TMEM248: variants seen among roughly 807,000 people sequenced by gnomAD.
TMEM248 encodes the protein UPF0458 protein C7orf42.
In TMEM248, 9 loss-of-function variants were observed where a neutral mutation model predicts 30.3. That is an observed-to-expected ratio of 0.30 (90% CI 0.18 to 0.52). The LOEUF (loss-of-function observed/expected upper bound fraction) is 0.52. Ranked by LOEUF, TMEM248 falls within the 20% of genes least tolerant of loss-of-function variation. The probability of loss-of-function intolerance (pLI) is 0.97; values close to 1 mark genes in which losing one functional copy is unlikely to be tolerated. For synonymous variants in TMEM248, 184 were observed against 154.4 expected (o/e 1.19, Z -1.42); for missense variants, 338 against 403.3 (o/e 0.84, Z 1.39).
chr7:66,945,377 C>T, intron 3 of TMEM248, 116 bp downstream of exon 3: 1 of 1,177,100 alleles, frequency 8.5e-7, no homozygotes, highest in South Asian at 1.5e-5. Context: ...TTGCGCGTGT[C>T]TTTTTTTTGT....
intron 1 of TMEM248, among the ~76,000 whole-genome samples, chr7:66,937,836 G>T (rs933065350): frequency 6.6e-6 from 1 of 151,934 alleles, no homozygotes; most frequent in Non-Finnish European, 1.5e-5. Context: ...TCAGTCTCCC[G>T]AGTAGCTGGG....
chr7:66,943,257 T>C (rs1792010332), intron 2 of TMEM248, among the ~76,000 whole-genome samples: 1 of 152,200 alleles, frequency 6.6e-6, no homozygotes, highest in African/African-American at 2.4e-5. Context: ...CTCCTGCCAT[T>C]TCTTTCCCGC....
intron 1 of TMEM248, among the ~76,000 whole-genome samples, chr7:66,933,604 G>T (rs537376240): frequency 6.6e-6 from 1 of 152,124 alleles, no homozygotes; most frequent in East Asian, 1.9e-4. Context: ...CTGTTTCCAC[G>T]CCCCTTTTTA....
chr7:66,944,294 G>A (rs549710087), intron 2 of TMEM248, among the ~76,000 whole-genome samples: 54 of 148,914 alleles, frequency 3.6e-4, no homozygotes, highest in South Asian at 6.4e-4. Context: ...TAGTAGAGAC[G>A]TGGTTTCACC....
At chr7:66,955,338 A>G (rs1248451593) in intron 6 of TMEM248, among the ~76,000 whole-genome samples, 164 bp from the exon 7 acceptor site, 2 of 152,184 alleles carry the variant, frequency 1.3e-5, no homozygotes, top group African/African-American at 4.8e-5. Context: ...AGACTTTGAG[A>G]TTTCTAGTAA....
At chr7:66,924,497 C>T (rs1487990999) in intron 1 of TMEM248, among the ~76,000 whole-genome samples, 1 of 152,104 alleles carries the variant, frequency 6.6e-6, no homozygotes, top group Non-Finnish European at 1.5e-5. Context: ...CTCCGCCTTC[C>T]GGGTTCAAGC....
At chr7:66,925,990 A>C (rs1351295219) in intron 1 of TMEM248, among the ~76,000 whole-genome samples, 1 of 152,038 alleles carries the variant, frequency 6.6e-6, no homozygotes, top group African/African-American at 2.4e-5. Flanking sequence ...TCTTGGCTGT[A>C]CTAATTTACA....
chr7:66,940,352 G>A (rs530850636), intron 1 of TMEM248, among the ~76,000 whole-genome samples: 1 of 152,254 alleles, frequency 6.6e-6, no homozygotes, highest in African/African-American at 2.4e-5. Flanking sequence ...AAAAATGGCA[G>A]GAAGCATTAA....
chr7:66,941,047 C>T (rs1049263237), intron 1 of TMEM248, among the ~76,000 whole-genome samples: 8 of 152,114 alleles, frequency 5.3e-5, no homozygotes, highest in African/African-American at 1.9e-4. Flanking sequence ...GCTAGGAGAT[C>T]AAGACCAGCC....
chr7:66,952,147 T>C (rs1008107984), intron 5 of TMEM248, among the ~76,000 whole-genome samples: 1 of 152,152 alleles, frequency 6.6e-6, no homozygotes, highest in Admixed American at 6.6e-5. Flanking sequence ...TGGAGTGCAG[T>C]GGCACAATCT....
chr7:66,958,423 A>G lies in TMEM248; in HGVS notation c.*2901A>G, dbSNP rs959348904. 9 of 152,808 alleles carry G rather than the reference A, an allele frequency of 5.9e-5. No homozygotes were observed. The East Asian group carries it at 1.3e-3, about 23-fold the overall frequency. The allele number at this position is 152,808 out of a possible 1,614,324, so 9.5% of individuals were successfully genotyped here. On this transcript the variant is annotated 3_prime_UTR_variant, in exon 7 of 7. Coordinates refer to ENST00000341567, the MANE Select transcript of TMEM248 (RefSeq NM_017994.5). ...CAGGCACTGTGGGGTCCTGAGGGCC[A>G]GTGGGTCCATTTCACCTCTTGCTGC...
chr7:66,934,366 A>C (rs572873724), intron 1 of TMEM248, among the ~76,000 whole-genome samples: 99 of 152,176 alleles, frequency 6.5e-4, no homozygotes, highest in African/African-American at 2.2e-3. Flanking sequence ...ATGCCCAGCT[A>C]ATTTTTGTAT....
chr7:66,929,008 G>A (rs946948109), intron 1 of TMEM248, among the ~76,000 whole-genome samples: 1 of 152,048 alleles, frequency 6.6e-6, no homozygotes, highest in Non-Finnish European at 1.5e-5. Context: ...GGCTGGTCTC[G>A]AATTCCTGGG....
intron 1 of TMEM248, among the ~76,000 whole-genome samples, chr7:66,922,705 A>AAGTGCAAC (rs1554334385): frequency 8.0e-6 from 1 of 125,112 alleles, no homozygotes; most frequent in Non-Finnish European, 1.8e-5. Flanking sequence ...AAGGTAGATT[A>AAGTGCAAC]TATATATATA....
At chr7:66,925,374 T>C (rs1791496613) in intron 1 of TMEM248, among the ~76,000 whole-genome samples, 1 of 152,148 alleles carries the variant, frequency 6.6e-6, no homozygotes, top group Non-Finnish European at 1.5e-5. Context: ...AGAAAAAATA[T>C]ATTCCTTTTC....
chr7:66,929,530 G>A (rs1344908135), intron 1 of TMEM248, among the ~76,000 whole-genome samples: 6 of 144,850 alleles, frequency 4.1e-5, no homozygotes, highest in African/African-American at 1.0e-4. Flanking sequence ...TCCGCCTCCC[G>A]GGTTCAAGCG....
chr7:66,931,953 C>T (rs10235638), intron 1 of TMEM248, among the ~76,000 whole-genome samples: 17,916 of 151,280 alleles, frequency 0.12, 1,229 homozygotes, highest in East Asian at 0.2. Flanking sequence ...TACAGGCGCC[C>T]GCCACCACAC....
At chr7:66,940,142 C>CG (rs924996186) in intron 1 of TMEM248, among the ~76,000 whole-genome samples, 2 of 152,086 alleles carry the variant, frequency 1.3e-5, no homozygotes, top group African/African-American at 4.8e-5. Context: ...GTAGTAGAGG[C>CG]GGGGTTTTGC....
intron 2 of TMEM248, among the ~76,000 whole-genome samples, chr7:66,942,469 C>A (rs1336767583): frequency 1.3e-5 from 2 of 152,106 alleles, no homozygotes; most frequent in African/African-American, 4.8e-5. Context: ...TAAAGAAATT[C>A]AAAAACAGGA....
Sources: gnomAD v4.1 joint callset for allele counts (sites outside exome capture counted in the v4.1 genomes callset) on GRCh38, gnomAD v4.1.1 for gene constraint, MANE v1.5 for transcripts, NCBI Gene and HGNC (gene_info 2026-07-23, HGNC 2026-07-21) for gene names.